Variants in ARFIP1 observed in about 807,000 individuals in gnomAD.
ARFIP1 encodes arfaptin-1.
Under a neutral mutation model 42.5 loss-of-function variants are expected in ARFIP1, and 24 were observed. The observed-to-expected ratio is 0.57, with a 90% confidence interval of 0.41 to 0.80. The LOEUF (loss-of-function observed/expected upper bound fraction) is 0.80. Ranked by LOEUF, ARFIP1 falls within the 30% of genes least tolerant of loss-of-function variation. ARFIP1 has a pLI of 0.00. For synonymous variants in ARFIP1, 141 were observed against 153.7 expected (o/e 0.92, Z 0.61); for missense variants, 354 against 434.0 (o/e 0.82, Z 1.64).
chr4:152,858,969 A>C (rs1332531488), intron 2 of ARFIP1, among the ~76,000 whole-genome samples: 2 of 152,144 alleles, frequency 1.3e-5, no homozygotes, highest in Non-Finnish European at 2.9e-5. Context: ...TTAGTAGGAA[A>C]TCTAACGTTT....
intron 4 of ARFIP1, among the ~76,000 whole-genome samples, chr4:152,871,298 T>C (rs1250143735): frequency 2.0e-5 from 3 of 152,198 alleles, no homozygotes; most frequent in Non-Finnish European, 4.4e-5. Context: ...TACAAATAGT[T>C]TGCAGATTGC....
intron 8 of ARFIP1, among the ~76,000 whole-genome samples, chr4:152,889,794 ATAC>A (rs1475202461): frequency 2.4e-3 from 51 of 21,618 alleles, no homozygotes; most frequent in East Asian, 0.014. Context: ...TATATATTAT[ATAC>A]TATACTATAT....
intron 8 of ARFIP1, among the ~76,000 whole-genome samples, chr4:152,894,853 G>A (rs536489484): frequency 6.6e-6 from 1 of 152,310 alleles, no homozygotes; most frequent in Admixed American, 6.5e-5. Context: ...GTTGGGGAAG[G>A]CCTTCATGAG....
intron 8 of ARFIP1, among the ~76,000 whole-genome samples, chr4:152,898,552 T>C (rs756931281): frequency 2.1e-4 from 32 of 152,194 alleles, no homozygotes; most frequent in Admixed American, 8.5e-4. Context: ...CCTAAAGTAC[T>C]ATATAAGGTA....
At chr4:152,794,630 A>G (rs1731328353) in intron 1 of ARFIP1, among the ~76,000 whole-genome samples, 2 of 152,080 alleles carry the variant, frequency 1.3e-5, no homozygotes, top group African/African-American at 4.8e-5. Flanking sequence ...TCCTCAAACT[A>G]TTGCTCTCTA....
rs1369784311 is a variant in ARFIP1, at chr4:152,797,523, C to T, written c.-10+17297C>T. 2.2e-4 allele frequency among the ~76,000 whole-genome samples: 34 copies of T among 152,090 alleles called. 1 individual carries two copies. Among genetic ancestry groups the T allele is most frequent in the Non-Finnish European group, 4.4e-5 (3 of 68,014 alleles). On this transcript the variant is annotated intron_variant, in intron 1 of 8. Transcript: ENST00000353617. The stretch of plus-strand genomic sequence containing the variant: ...TGTTAGTATTTTCATTGTATTGTAT[C>T]GAATTTATAAAGTAAGGGAGAAATG...
intron 2 of ARFIP1, among the ~76,000 whole-genome samples, chr4:152,855,220 T>C (rs1733327722): frequency 6.6e-6 from 1 of 151,920 alleles, no homozygotes; most frequent in African/African-American, 2.4e-5. Flanking sequence ...CAGGTGCCAG[T>C]GGTAGTGGAC....
chr4:152,852,927 G>C (rs749241974), intron 2 of ARFIP1, among the ~76,000 whole-genome samples: 10 of 152,144 alleles, frequency 6.6e-5, no homozygotes, highest in Non-Finnish European at 1.5e-4. Flanking sequence ...GGCATAGGAA[G>C]GCCTTAGTGA....
rs28628506 is a variant in ARFIP1 at position 152,911,866 on chromosome 4, T to G, written c.*1647T>G. 6.6e-6 allele frequency: 1 copy of G among 152,622 alleles called. No homozygotes were observed. Among genetic ancestry groups the G allele is most frequent in the African/African-American group, 2.4e-5 (1 of 41,452 alleles). 9.5% of individuals were successfully genotyped at this position (152,622 alleles called of 1,614,324 possible). ...TCATTTACATTCCCCAGAATGTGCC[T>G]CTAGTGTGAATTTTGTATTCTTATT... On this transcript the variant is annotated 3_prime_UTR_variant, in exon 9 of 9. Coordinates refer to ENST00000353617, the MANE Select transcript of ARFIP1 (RefSeq NM_001025595.3).
chr4:152,832,077 G>C (rs751240544), intron 2 of ARFIP1, among the ~76,000 whole-genome samples: 4 of 152,064 alleles, frequency 2.6e-5, no homozygotes, highest in Non-Finnish European at 5.9e-5. Flanking sequence ...AAGCTGCTGT[G>C]ACCATTCTTG....
At chr4:152,792,388 T>C (rs919602925) in intron 1 of ARFIP1, among the ~76,000 whole-genome samples, 3 of 151,916 alleles carry the variant, frequency 2.0e-5, no homozygotes, top group Non-Finnish European at 2.9e-5. Context: ...TGAATTTTGC[T>C]TTAGATTCTA....
chr4:152,800,039 A>G (rs1262347577), intron 1 of ARFIP1, among the ~76,000 whole-genome samples: 1 of 152,194 alleles, frequency 6.6e-6, no homozygotes, highest in African/African-American at 2.4e-5. Flanking sequence ...AGCTATACCC[A>G]AATATGCAGC....
intron 1 of ARFIP1, among the ~76,000 whole-genome samples, chr4:152,824,944 A>T (rs1026307062): frequency 2.0e-5 from 3 of 151,394 alleles, no homozygotes; most frequent in Non-Finnish European, 4.4e-5. Flanking sequence ...TTTACAATTG[A>T]TATATATATA....
In ARFIP1 at chr4:152,837,824, T is replaced by TGG. The variant is rs199530933; in HGVS notation, c.93+8100_93+8101dup. ...TCTTTGTTTTTATTGCATTTGCTTT[T>TGG]GGGTTCTTGGTCATGAAATCCTTGC... On this transcript the variant is annotated intron_variant, in intron 2 of 8. Coordinates refer to ENST00000353617, the MANE Select transcript of ARFIP1 (RefSeq NM_001025595.3). Among the ~76,000 whole-genome samples the TGG allele has an allele frequency of 4.1e-3, 623 of 152,356 alleles. 3 individuals carry two copies. The highest frequency in any genetic ancestry group is 0.014 in the African/African-American group (597 of 41,594).
chr4:152,788,224 C>T (rs563880796), intron 1 of ARFIP1, among the ~76,000 whole-genome samples: 5 of 152,150 alleles, frequency 3.3e-5, no homozygotes, highest in South Asian at 4.2e-4. Flanking sequence ...AGCAAGACTC[C>T]GTCTCAAAAC....
chr4:152,833,675 A>G (rs1209171699), intron 2 of ARFIP1, among the ~76,000 whole-genome samples: 1 of 152,230 alleles, frequency 6.6e-6, no homozygotes, highest in Non-Finnish European at 1.5e-5. Flanking sequence ...CCCACAGACA[A>G]TGCGATATCA....
At chr4:152,804,397 TATATA>T (rs1330786135) in intron 1 of ARFIP1, among the ~76,000 whole-genome samples, 1 of 104,780 alleles carries the variant, frequency 9.5e-6, no homozygotes, top group Admixed American at 1.3e-4. Flanking sequence ...TTATATATTA[TATATA>T]ATATAACATG....
chr4:152,784,595 T>A lies in ARFIP1; in HGVS notation c.-10+4369T>A, dbSNP rs189703869. On this transcript the variant is annotated intron_variant, in intron 1 of 8. Coordinates refer to ENST00000353617, the MANE Select transcript of ARFIP1 (RefSeq NM_001025595.3). ...AGAGTAGGCAATCTGCTTTGAAATC[T>A]TCTTCTAGTATGACTGTCGGTTCAG... 4.6e-5 allele frequency among the ~76,000 whole-genome samples: 7 copies of A among 152,382 alleles called. No homozygotes were observed. In the East Asian group the frequency reaches 1.2e-3, roughly 25 times the overall value.
chr4:152,818,486 A>G (rs1730090016), intron 1 of ARFIP1, among the ~76,000 whole-genome samples: 1 of 152,224 alleles, frequency 6.6e-6, no homozygotes, highest in Non-Finnish European at 1.5e-5. Context: ...GCCATTCCCT[A>G]TCACAGGGGA....
Sources: allele counts gnomAD v4.1 joint callset (sites outside exome capture counted in the v4.1 genomes callset), GRCh38; gene constraint gnomAD v4.1.1; transcripts MANE v1.5; gene names NCBI Gene and HGNC (gene_info 2026-07-23, HGNC 2026-07-21).